PALM2AKAP2: variants seen among roughly 807,000 people sequenced by gnomAD.
PALM2AKAP2 encodes the protein PALM2 and AKAP2 fusion, also known as PALM2-AKAP2 fusion protein.
PALM2AKAP2 carries 37 observed loss-of-function variants against 71.5 expected under a neutral mutation model. That is an observed-to-expected ratio of 0.52 (90% CI 0.40 to 0.68). The LOEUF (loss-of-function observed/expected upper bound fraction) is 0.68. Ranked by LOEUF, PALM2AKAP2 falls within the 30% of genes least tolerant of loss-of-function variation. The pLI, the probability that PALM2AKAP2 is intolerant of heterozygous loss-of-function variation, is 0.00. For missense variants in PALM2AKAP2, 1,224 were observed against 1,191.8 expected (o/e 1.03, Z -0.40); for synonymous variants, 468 against 478.8 (o/e 0.98, Z 0.29).
At chr9:109,799,818 G>A (rs1283528020) in intron 1 of PALM2AKAP2, among the ~76,000 whole-genome samples, 1 of 152,134 alleles carries the variant, frequency 6.6e-6, no homozygotes, top group Non-Finnish European at 1.5e-5. Context: ...AACTGTTTAA[G>A]GCATTCTTTT....
chr9:109,658,274 C>G (rs914440899), intron 1 of PALM2AKAP2, among the ~76,000 whole-genome samples: 12 of 151,390 alleles, frequency 7.9e-5, no homozygotes, highest in African/African-American at 2.9e-4. Context: ...AATGATATCA[C>G]TTTGGTATTG....
chr9:110,130,137 C>T (rs1417169473), intron 1 of PALM2AKAP2, among the ~76,000 whole-genome samples: 2 of 152,108 alleles, frequency 1.3e-5, no homozygotes, highest in Non-Finnish European at 2.9e-5. Context: ...GTCATTTAAA[C>T]CTCAGTGTAA....
chr9:110,135,164 A>AAAAAAAAAAATAAATAT, intron 1 of PALM2AKAP2, among the ~76,000 whole-genome samples: 1 of 51,744 alleles, frequency 1.9e-5, no homozygotes, highest in African/African-American at 7.4e-5. Flanking sequence ...AAAAAAAAAA[A>AAAAAAAAAAATAAATAT]ATATATAAAT....
upstream of PALM2AKAP2, among the ~76,000 whole-genome samples, chr9:110,048,213 A>T (rs1833634319): frequency 6.6e-6 from 1 of 152,134 alleles, no homozygotes; most frequent in Non-Finnish European, 1.5e-5. Flanking sequence ...TAGGTAAGGG[A>T]CGAGGGGCTG....
chr9:109,682,975 C>T (rs1827758292), intron 1 of PALM2AKAP2, among the ~76,000 whole-genome samples: 1 of 152,242 alleles, frequency 6.6e-6, no homozygotes, highest in South Asian at 2.1e-4. Flanking sequence ...GATTGGACCA[C>T]GAGGGTGGAT....
At chr9:109,731,346 A>G (rs1372184985) in intron 1 of PALM2AKAP2, among the ~76,000 whole-genome samples, 2 of 152,212 alleles carry the variant, frequency 1.3e-5, no homozygotes, top group South Asian at 4.1e-4. Flanking sequence ...TTCTTATAGT[A>G]GTTTAGTTCT....
At chr9:109,905,137 T>C (rs1830418555) in intron 3 of PALM2AKAP2, among the ~76,000 whole-genome samples, 1 of 152,236 alleles carries the variant, frequency 6.6e-6, no homozygotes, top group Non-Finnish European at 1.5e-5. Flanking sequence ...GAATTAGGGC[T>C]GTTAAGTCTA....
rs189182369 is a variant in PALM2AKAP2, at chr9:109,851,172, G to A, written c.46-16319G>A. Among the ~76,000 whole-genome samples, 138 of 110,906 alleles carry A rather than the reference G, an allele frequency of 1.2e-3. 3 individuals carry two copies. In the East Asian group the frequency reaches 0.024, roughly 19 times the overall value. The allele number at this position is 110,906 out of a possible 152,430, so 72.8% of individuals were successfully genotyped here. Reference sequence around the variant, plus strand: ...AGCCTGGGCAACAGAGGGAGACTCCGTCTCAACAACAACAACAACAACAAC... The same window carrying A: ...AGCCTGGGCAACAGAGGGAGACTCCATCTCAACAACAACAACAACAACAAC... On this transcript the variant is annotated intron_variant, in intron 1 of 9. Transcript: ENST00000302798.
intron 6 of PALM2AKAP2, among the ~76,000 whole-genome samples, chr9:109,966,497 G>T (rs1349353953): frequency 6.6e-6 from 1 of 152,166 alleles, no homozygotes; most frequent in African/African-American, 2.4e-5. Context: ...TTTCTGTCCT[G>T]TTTCTTCCTC....
chr9:110,126,536 G>C (rs924584463), intron 1 of PALM2AKAP2, among the ~76,000 whole-genome samples: 2 of 152,162 alleles, frequency 1.3e-5, no homozygotes, highest in African/African-American at 4.8e-5. Flanking sequence ...AAGGGCCTTT[G>C]GTGAGAAGAG....
At chr9:110,065,550 A>G (rs1389501387) in intron 1 of PALM2AKAP2, among the ~76,000 whole-genome samples, 1 of 152,244 alleles carries the variant, frequency 6.6e-6, no homozygotes, top group Non-Finnish European at 1.5e-5. Flanking sequence ...ATTGTGTGAC[A>G]TAAAATGTAA....
chr9:109,666,919 T>C (rs1474963633), intron 1 of PALM2AKAP2, among the ~76,000 whole-genome samples: 1 of 152,248 alleles, frequency 6.6e-6, no homozygotes, highest in Admixed American at 6.5e-5. Context: ...AAACCAGCTC[T>C]GCATAACTTG....
intron 1 of PALM2AKAP2, among the ~76,000 whole-genome samples, chr9:110,124,878 G>T (rs1248864754): frequency 3.3e-5 from 5 of 151,852 alleles, no homozygotes; most frequent in Admixed American, 3.3e-4. Context: ...AATGATATGA[G>T]TAAAAAAAAA....
chr9:110,000,705 C>A (rs894608921), intron 6 of PALM2AKAP2, among the ~76,000 whole-genome samples: 1 of 152,228 alleles, frequency 6.6e-6, no homozygotes, highest in African/African-American at 2.4e-5. Flanking sequence ...GATCCCCATT[C>A]TAACTGGTGT....
chr9:110,133,669 C>T (rs1259726588), intron 1 of PALM2AKAP2, among the ~76,000 whole-genome samples: 3 of 152,034 alleles, frequency 2.0e-5, no homozygotes, highest in African/African-American at 4.8e-5. Context: ...CCTCCGCCCA[C>T]CCCGGCCCCC....
chr9:109,916,454 A>T (rs569643418), intron 3 of PALM2AKAP2, among the ~76,000 whole-genome samples: 1 of 152,286 alleles, frequency 6.6e-6, no homozygotes, highest in East Asian at 1.9e-4. Context: ...GCGAGAACCT[A>T]TCCAAGGCAC....
intron 1 of PALM2AKAP2, among the ~76,000 whole-genome samples, chr9:110,089,435 A>G (rs1199332648): frequency 6.6e-6 from 1 of 152,204 alleles, no homozygotes; most frequent in African/African-American, 2.4e-5. Flanking sequence ...GTACTAGTTG[A>G]TTCCAGGGGC....
intron 3 of PALM2AKAP2, among the ~76,000 whole-genome samples, chr9:109,908,353 T>G (rs1830495482): frequency 6.6e-6 from 1 of 152,196 alleles, no homozygotes; most frequent in Non-Finnish European, 1.5e-5. Context: ...TTTCATTTGC[T>G]CTTAGGCAGG....
chr9:110,061,387 T>C (rs1833962272), intron 1 of PALM2AKAP2, among the ~76,000 whole-genome samples: 1 of 152,172 alleles, frequency 6.6e-6, no homozygotes, highest in African/African-American at 2.4e-5. Context: ...GATCAAGTTT[T>C]GTTCAGAAGG....
Sources: allele counts gnomAD v4.1 joint callset (sites outside exome capture counted in the v4.1 genomes callset), GRCh38; gene constraint gnomAD v4.1.1; transcripts MANE v1.5; gene names NCBI Gene and HGNC (gene_info 2026-07-23, HGNC 2026-07-21).